Variants in PTPRT observed in about 807,000 individuals in gnomAD.
PTPRT encodes the protein receptor-type tyrosine-protein phosphatase T.
A neutral mutation model predicts 176.8 loss-of-function variants in PTPRT; 56 were observed. The observed-to-expected ratio is 0.32, with a 90% CI of 0.26 to 0.40. PTPRT has a LOEUF of 0.40. Among genes scored for constraint, PTPRT ranks in the 10% least tolerant of loss-of-function variants. The pLI is 1.00. For missense variants in PTPRT, 1,540 were observed against 1,908.2 expected (o/e 0.81, Z 3.60); for synonymous variants, 783 against 739.0 (o/e 1.06, Z -0.96).
At chr20:42,326,588 T>C (rs1312882692) in intron 11 of PTPRT, among the ~76,000 whole-genome samples, 2 of 152,058 alleles carry the variant, frequency 1.3e-5, no homozygotes, top group Non-Finnish European at 2.9e-5. Context: ...TAAAAATAGC[T>C]AAGGAAAACA....
At chr20:43,098,582 T>G (rs532591282) in intron 1 of PTPRT, among the ~76,000 whole-genome samples, 1 of 151,116 alleles carries the variant, frequency 6.6e-6, no homozygotes, top group East Asian at 2.0e-4. Context: ...TTCCTTAGGA[T>G]CTTCAAAGAT....
At chr20:43,108,085 T>A (rs2012696458) in intron 1 of PTPRT, among the ~76,000 whole-genome samples, 1 of 152,212 alleles carries the variant, frequency 6.6e-6, no homozygotes, top group African/African-American at 2.4e-5. Flanking sequence ...CACTCTCCCA[T>A]CAAGTGGTAG....
intron 15 of PTPRT, among the ~76,000 whole-genome samples, chr20:42,216,461 A>G (rs1244557929): frequency 6.6e-6 from 1 of 152,230 alleles, no homozygotes; most frequent in Non-Finnish European, 1.5e-5. Context: ...CACTTCTTTC[A>G]GGAAGCCTTT....
chr20:42,878,636 C>A (rs1410578621), intron 2 of PTPRT, among the ~76,000 whole-genome samples: 1 of 152,184 alleles, frequency 6.6e-6, no homozygotes, highest in Non-Finnish European at 1.5e-5. Context: ...ATCTCGAACT[C>A]ATGGGATGGT....
intron 7 of PTPRT, among the ~76,000 whole-genome samples, chr20:42,600,578 G>A (rs1217652684): frequency 1.3e-5 from 2 of 152,108 alleles, no homozygotes; most frequent in African/African-American, 4.8e-5. Context: ...TGTACATTGC[G>A]CCGATAGGTA....
intron 1 of PTPRT, among the ~76,000 whole-genome samples, chr20:43,181,452 C>A (rs2015255885): frequency 6.6e-6 from 1 of 152,162 alleles, no homozygotes; most frequent in African/African-American, 2.4e-5. Context: ...GGACCTGACA[C>A]TGGGCCCAGG....
chr20:42,506,780 C>T (rs1439037424), intron 7 of PTPRT, among the ~76,000 whole-genome samples: 2 of 152,096 alleles, frequency 1.3e-5, no homozygotes, highest in African/African-American at 2.4e-5. Flanking sequence ...TCAATCCGTA[C>T]GTTTTTAACC....
At chr20:43,098,771 T>C (rs1207620448) in intron 1 of PTPRT, among the ~76,000 whole-genome samples, 1 of 152,178 alleles carries the variant, frequency 6.6e-6, no homozygotes, top group Non-Finnish European at 1.5e-5. Context: ...ACAAAGGCCA[T>C]GTTTTAAGCA....
intron 11 of PTPRT, among the ~76,000 whole-genome samples, chr20:42,326,097 A>T (rs1301762727): frequency 6.6e-6 from 1 of 152,198 alleles, no homozygotes; most frequent in Non-Finnish European, 1.5e-5. Context: ...TACCACACCT[A>T]ACAGATTAGG....
intron 7 of PTPRT, among the ~76,000 whole-genome samples, chr20:42,494,953 G>A (rs770081185): frequency 2.0e-5 from 3 of 151,974 alleles, no homozygotes; most frequent in African/African-American, 7.3e-5. Flanking sequence ...CTGTTTCCTC[G>A]GGCACAAGTG....
At chr20:42,641,194 GGTTTA>G (rs2074740113) in intron 7 of PTPRT, among the ~76,000 whole-genome samples, 1 of 152,112 alleles carries the variant, frequency 6.6e-6, no homozygotes, top group Non-Finnish European at 1.5e-5. Flanking sequence ...ATTGATTGCT[GGTTTA>G]AAGAGCATGA....
chr20:42,203,926 G>T (rs138806861), intron 15 of PTPRT, among the ~76,000 whole-genome samples: 63 of 152,282 alleles, frequency 4.1e-4, no homozygotes, highest in Non-Finnish European at 8.1e-4. Context: ...ACTACGACAA[G>T]AACTTCTTGG....
In PTPRT at chr20:43,137,993, C is replaced by T. The variant is rs544354706; in HGVS notation, c.88+51653G>A. Among the ~76,000 whole-genome samples, 4 of 152,310 alleles carry T rather than the reference C, an allele frequency of 2.6e-5. No homozygotes were observed. The South Asian group carries it at 6.2e-4, about 24-fold the overall frequency. On this transcript the variant is annotated intron_variant, in intron 1 of 30. Transcript: ENST00000373187. ...GGGTTCAAGTTTTGTCTACCACCCT[C>T]GCCAGCTGGGTAACCTGGTGTTACC...
At chr20:42,392,390 A>C (rs1444763493) in intron 9 of PTPRT, among the ~76,000 whole-genome samples, 2 of 152,124 alleles carry the variant, frequency 1.3e-5, no homozygotes, top group Middle Eastern at 3.2e-3. Flanking sequence ...ATTTTCCTCT[A>C]CTGAAGGGCG....
chr20:42,379,499 C>A (rs972842750), intron 9 of PTPRT, among the ~76,000 whole-genome samples: 2 of 152,204 alleles, frequency 1.3e-5, no homozygotes, highest in African/African-American at 4.8e-5. Context: ...GCATCCAGTG[C>A]ATGCTTCCCA....
At chr20:42,876,207 A>G (rs1400565676) in intron 2 of PTPRT, among the ~76,000 whole-genome samples, 1 of 152,220 alleles carries the variant, frequency 6.6e-6, no homozygotes, top group Non-Finnish European at 1.5e-5. Context: ...TTAAAGAGGA[A>G]AGAAAAAAAT....
At chr20:42,250,120 T>C (rs1305057697) in intron 13 of PTPRT, among the ~76,000 whole-genome samples, 2 of 152,236 alleles carry the variant, frequency 1.3e-5, no homozygotes, top group African/African-American at 4.8e-5. Context: ...TGCACATGCC[T>C]CACAATATCT....
intron 11 of PTPRT, among the ~76,000 whole-genome samples, chr20:42,340,577 C>G (rs1413198350): frequency 6.6e-6 from 1 of 152,218 alleles, no homozygotes; most frequent in Non-Finnish European, 1.5e-5. Context: ...ACAGCTGGAG[C>G]AGGCATCGTG....
chr20:42,154,576 T>C (rs538483242), intron 17 of PTPRT, among the ~76,000 whole-genome samples: 1 of 152,386 alleles, frequency 6.6e-6, no homozygotes, highest in South Asian at 2.1e-4. Context: ...AATGGAGCTG[T>C]AATAACCAGT....
Sources: gnomAD v4.1 joint callset for allele counts (sites outside exome capture counted in the v4.1 genomes callset) on GRCh38, gnomAD v4.1.1 for gene constraint, MANE v1.5 for transcripts, NCBI Gene and HGNC (gene_info 2026-07-23, HGNC 2026-07-21) for gene names.